TMEM108: variants seen among roughly 807,000 people sequenced by gnomAD.
The protein encoded by TMEM108 is transmembrane protein 108, also known as cancer/testis antigen 124.
TMEM108 carries 12 observed loss-of-function variants against 35.1 expected under a neutral mutation model. The ratio of observed to expected loss-of-function variants is 0.34; its 90% CI spans 0.22 to 0.55. TMEM108 has a LOEUF of 0.55. TMEM108 is among the 20% of genes least tolerant of loss of function. The pLI, the probability that TMEM108 is intolerant of heterozygous loss-of-function variation, is 0.89. For missense variants in TMEM108, 680 were observed against 753.3 expected (o/e 0.90, Z 1.14); for synonymous variants, 287 against 308.6 (o/e 0.93, Z 0.73).
chr3:133,107,455 G>GGTGTGTGTGTGT (rs59305794), intron 2 of TMEM108, among the ~76,000 whole-genome samples: 120 of 143,604 alleles, frequency 8.4e-4, no homozygotes, highest in African/African-American at 1.0e-3. Flanking sequence ...AAGTGTATGT[G>GGTGTGTGTGTGT]GTGTGTGTGT....
intron 2 of TMEM108, among the ~76,000 whole-genome samples, chr3:133,221,550 A>G (rs1239336900): frequency 1.3e-5 from 2 of 151,912 alleles, no homozygotes; most frequent in Admixed American, 6.6e-5. Flanking sequence ...TCACTTTGTT[A>G]ATTGTTTCAT....
At chr3:133,093,618 T>C (rs1943975327) in intron 2 of TMEM108, among the ~76,000 whole-genome samples, 1 of 152,242 alleles carries the variant, frequency 6.6e-6, no homozygotes, top group Non-Finnish European at 1.5e-5. Context: ...CTGTGACTTG[T>C]AGACAGTCTA....
At chr3:133,178,487 C>G (rs553981966) in intron 2 of TMEM108, among the ~76,000 whole-genome samples, 1 of 151,762 alleles carries the variant, frequency 6.6e-6, no homozygotes, top group African/African-American at 2.4e-5. Flanking sequence ...CAGAACAGAG[C>G]CCTCAGAAAT....
At chr3:133,350,659 T>C (rs565200168) in intron 3 of TMEM108, among the ~76,000 whole-genome samples, 218 of 152,188 alleles carry the variant, frequency 1.4e-3, no homozygotes, top group African/African-American at 5.0e-3. Flanking sequence ...AATCCTAAAC[T>C]AGGAGTCAGG....
chr3:133,380,481 C>G lies in TMEM108; in HGVS notation c.770C>G (p.Thr257Arg). The G allele has an allele frequency of 6.2e-7, 1 of 1,613,946 alleles. No individual in the cohort carries two copies. ...CAGCCCCAGACAGTGGCTGCGACCA[C>G]AGTGCCCAGCAATACCTCATGGGCA... ...SPQPQTVAAT[T>R]VPSNTSWAPT... The change falls in exon 4 of 6, where the codon ACA becomes AGA. Residue 257 changes from threonine (T) to arginine (R), a missense_variant. Physicochemically the swap from Thr to Arg is moderately conservative, Grantham distance 71. Transcript: ENST00000321871. This position sits in a 1 kb window ranked among gnomAD's most constrained non-coding sequence, Gnocchi z 5.3.
At chr3:133,309,435 T>G (rs2071091509) in intron 3 of TMEM108, among the ~76,000 whole-genome samples, 1 of 152,170 alleles carries the variant, frequency 6.6e-6, no homozygotes, top group African/African-American at 2.4e-5. Context: ...GCTTCTCTAG[T>G]TCTTTTAATT....
intron 2 of TMEM108, among the ~76,000 whole-genome samples, chr3:133,224,805 G>A (rs983869938): frequency 6.6e-6 from 1 of 151,962 alleles, no homozygotes; most frequent in African/African-American, 2.4e-5. Context: ...TAGTGTATAT[G>A]TGCATAAAAC....
chr3:133,327,079 G>A (rs1162900044), intron 3 of TMEM108, among the ~76,000 whole-genome samples: 6 of 152,090 alleles, frequency 3.9e-5, no homozygotes, highest in Non-Finnish European at 8.8e-5. Context: ...GGCTGTGAGT[G>A]TGTGTGACTG....
intron 3 of TMEM108, among the ~76,000 whole-genome samples, chr3:133,281,906 C>T (rs932380701): frequency 2.0e-5 from 3 of 152,206 alleles, no homozygotes; most frequent in Non-Finnish European, 4.4e-5. Context: ...GCCTGTAATC[C>T]CAGCACTTTG....
At chr3:133,219,740 G>GTT (rs1945960000) in intron 2 of TMEM108, among the ~76,000 whole-genome samples, 1 of 152,050 alleles carries the variant, frequency 6.6e-6, no homozygotes, top group African/African-American at 2.4e-5. Context: ...TAAGACTTGT[G>GTT]TTATATATAG....
intron 3 of TMEM108, among the ~76,000 whole-genome samples, chr3:133,317,063 G>GT (rs36076716): frequency 0.12 from 17,942 of 152,216 alleles, 1,467 homozygotes; most frequent in East Asian, 0.38. Flanking sequence ...CTTTGTGCTT[G>GT]TCAAAGTAAG....
At chr3:133,313,274 T>G (rs1010551743) in intron 3 of TMEM108, among the ~76,000 whole-genome samples, 8 of 151,922 alleles carry the variant, frequency 5.3e-5, no homozygotes, top group African/African-American at 1.7e-4. Flanking sequence ...CTCAGCTCAC[T>G]GCAAGCTCCG....
At chr3:133,154,606 C>T (rs944723716) in intron 2 of TMEM108, among the ~76,000 whole-genome samples, 20 of 151,470 alleles carry the variant, frequency 1.3e-4, no homozygotes, top group African/African-American at 4.9e-4. Flanking sequence ...CAAACTATCG[C>T]AAGGACAAAA....
chr3:133,260,514 T>G (rs1946609119), intron 3 of TMEM108, among the ~76,000 whole-genome samples: 1 of 152,118 alleles, frequency 6.6e-6, no homozygotes, highest in Non-Finnish European at 1.5e-5. Flanking sequence ...GGGACCTGCC[T>G]GAGATTGTTG....
chr3:133,129,333 A>C (rs1259499765), intron 2 of TMEM108, among the ~76,000 whole-genome samples: 2 of 146,838 alleles, frequency 1.4e-5, no homozygotes, highest in African/African-American at 5.0e-5. Flanking sequence ...TGACACAGCA[A>C]GACTCCGCAC....
chr3:133,177,939 C>T (rs1438676392), intron 2 of TMEM108, among the ~76,000 whole-genome samples: 1 of 152,152 alleles, frequency 6.6e-6, no homozygotes, highest in Non-Finnish European at 1.5e-5. Context: ...AAAATCTCCT[C>T]AAGCTGATAG....
chr3:133,078,232 G>A (rs933322871), intron 2 of TMEM108, among the ~76,000 whole-genome samples: 1 of 151,296 alleles, frequency 6.6e-6, no homozygotes, highest in African/African-American at 2.4e-5. Flanking sequence ...ATGTGCTCCT[G>A]AGTTGCTTTT....
At chr3:133,115,387 A>T (rs956124697) in intron 2 of TMEM108, among the ~76,000 whole-genome samples, 1 of 152,228 alleles carries the variant, frequency 6.6e-6, no homozygotes, top group Non-Finnish European at 1.5e-5. Context: ...ATCATTCTTC[A>T]TGGATTACGT....
At chr3:133,043,646 TG>T (rs1943301787) in intron 1 of TMEM108, among the ~76,000 whole-genome samples, 2 of 152,160 alleles carry the variant, frequency 1.3e-5, no homozygotes, top group Admixed American at 6.5e-5. Context: ...GATTTCCAGA[TG>T]TTCAGTTCCC....
Sources: allele counts gnomAD v4.1 joint callset (sites outside exome capture counted in the v4.1 genomes callset), GRCh38; gene constraint gnomAD v4.1.1; non-coding constraint Gnocchi (gnomAD v3.1); transcripts MANE v1.5; gene names NCBI Gene and HGNC (gene_info 2026-07-23, HGNC 2026-07-21).